The following CEP128 variants were observed in gnomAD, a reference collection of about 807,000 sequenced individuals.
CEP128 encodes centrosomal protein 128kDa.
In CEP128, 132 loss-of-function variants were observed where a neutral mutation model predicts 156.7. The observed-to-expected ratio is 0.84, with a 90% CI of 0.73 to 0.97. CEP128 has a LOEUF of 0.97. Ranked by LOEUF, CEP128 falls within the 50% of genes least tolerant of loss-of-function variation. The probability of loss-of-function intolerance (pLI) is 0.00; values close to 1 mark genes in which losing one functional copy is unlikely to be tolerated. For synonymous variants in CEP128, 469 were observed against 448.9 expected, an observed-to-expected ratio of 1.04 and a Z score of -0.57; for missense variants, 1,252 against 1,281.9, an observed-to-expected ratio of 0.98 and a Z score of 0.36.
intron 19 of CEP128, among the ~76,000 whole-genome samples, chr14:80,616,846 T>C (rs939908013): frequency 2.0e-5 from 3 of 152,198 alleles, no homozygotes; most frequent in Non-Finnish European, 4.4e-5. Flanking sequence ...TTAGAGATCA[T>C]GTAGTTTAAA....
intron 24 of CEP128, among the ~76,000 whole-genome samples, chr14:80,504,539 T>C (rs1437367199): frequency 1.3e-5 from 2 of 152,212 alleles, no homozygotes; most frequent in African/African-American, 2.4e-5. Flanking sequence ...CAAGATTACA[T>C]ATTTCTCAAC....
intron 19 of CEP128, among the ~76,000 whole-genome samples, chr14:80,683,024 CACTT>C (rs1438094138): frequency 2.0e-5 from 3 of 152,000 alleles, no homozygotes; most frequent in Admixed American, 1.3e-4. Flanking sequence ...CAAACACACT[CACTT>C]AAGTACATAG....
intron 8 of CEP128, among the ~76,000 whole-genome samples, chr14:80,866,551 A>G (rs1887777590): frequency 6.6e-6 from 1 of 152,154 alleles, no homozygotes; most frequent in Non-Finnish European, 1.5e-5. Context: ...CCAGCTCCCA[A>G]AAAGATACCA....
In CEP128 at chr14:80,756,929, A is replaced by G. The variant is rs1295479601; in HGVS notation, c.2576T>C (p.Ile859Thr). The change falls in exon 18 of 25, where the codon ATA becomes ACA. Residue 859 changes from isoleucine (I) to threonine (T), a missense_variant. Coordinates refer to ENST00000555265, the MANE Select transcript of CEP128 (RefSeq NM_152446.5). ...TAACCAGCGATGTGGGTCATAATGT[A>G]TATCAGGACCAGATGAAAAAACCTA... ...KLKVFSSGPD[I>T]HYDPHRWLAE... The G allele has an allele frequency of 1.9e-6, 3 of 1,601,668 alleles. No individual in the cohort carries two copies. The highest frequency in any genetic ancestry group is 1.7e-5 in the Admixed American group (1 of 59,402).
intron 23 of CEP128, among the ~76,000 whole-genome samples, chr14:80,519,646 T>C (rs1047234161): frequency 6.6e-6 from 1 of 152,204 alleles, no homozygotes; most frequent in Non-Finnish European, 1.5e-5. Context: ...TATTCCTATC[T>C]GAAAGTTTAA....
chr14:80,940,123 T>C (rs1242805343), intron 1 of CEP128, among the ~76,000 whole-genome samples: 2 of 152,150 alleles, frequency 1.3e-5, no homozygotes, highest in South Asian at 2.1e-4. Flanking sequence ...CTGGGAGTTG[T>C]CTACATAAAA....
At chr14:80,873,525 C>T (rs1888131566) in intron 8 of CEP128, among the ~76,000 whole-genome samples, 1 of 152,054 alleles carries the variant, frequency 6.6e-6, no homozygotes, top group African/African-American at 2.4e-5. Context: ...ACTATTAAAC[C>T]CCAAATTGAA....
At chr14:80,951,816 G>T (rs1886472156) in intron 2 of CEP128, among the ~76,000 whole-genome samples, 1 of 151,980 alleles carries the variant, frequency 6.6e-6, no homozygotes, top group Non-Finnish European at 1.5e-5. Context: ...ATCATACCAT[G>T]ATAACGCTGA....
At chr14:80,893,537 G>T (rs778999973) in intron 8 of CEP128, among the ~76,000 whole-genome samples, 1 of 150,474 alleles carries the variant, frequency 6.6e-6, no homozygotes, top group South Asian at 2.1e-4. Context: ...ACTGTGAAAT[G>T]ACAGATATGT....
chr14:80,901,161 G>A (rs1305485818), intron 6 of CEP128, among the ~76,000 whole-genome samples: 4 of 151,604 alleles, frequency 2.6e-5, no homozygotes, highest in East Asian at 3.9e-4. Flanking sequence ...AGCCGAGATC[G>A]CGCCACTGCA....
intron 21 of CEP128, among the ~76,000 whole-genome samples, chr14:80,538,714 T>C (rs1047818865): frequency 1.3e-5 from 2 of 152,226 alleles, no homozygotes; most frequent in Non-Finnish European, 2.9e-5. Context: ...TCATTATTTT[T>C]TTAAATGTAG....
At chr14:80,481,696 T>C (rs976395978) in intron 14 of CEP128, among the ~76,000 whole-genome samples, 1 of 152,220 alleles carries the variant, frequency 6.6e-6, no homozygotes, top group Non-Finnish European at 1.5e-5. Context: ...CAATGTCACA[T>C]GGCAAACAGT....
intron 9 of CEP128, 131 bp from the exon 10 acceptor site, chr14:80,840,899 C>A: frequency 1.6e-6 from 1 of 630,940 alleles, no homozygotes; most frequent in South Asian, 2.0e-5. Flanking sequence ...AAATTACAGT[C>A]TGCTCATAAG....
At chr14:80,623,452 A>C (rs7144224) in intron 19 of CEP128, among the ~76,000 whole-genome samples, 26,643 of 151,622 alleles carry the variant, frequency 0.18, 2,711 homozygotes, top group East Asian at 0.31. Flanking sequence ...TAATACTTAA[A>C]GTATAATAAT....
At chr14:80,565,116 T>A (rs369267277) in intron 20 of CEP128, among the ~76,000 whole-genome samples, 167 of 152,180 alleles carry the variant, frequency 1.1e-3, no homozygotes, top group African/African-American at 3.9e-3. Context: ...GCCTCTGGCT[T>A]CCAGAGTCTG....
intron 19 of CEP128, among the ~76,000 whole-genome samples, chr14:80,615,448 G>A (rs929658888): frequency 2.0e-5 from 3 of 152,154 alleles, no homozygotes; most frequent in Admixed American, 6.5e-5. Flanking sequence ...CAGCTTCTTA[G>A]CAGTGAACAT....
intron 2 of CEP128, among the ~76,000 whole-genome samples, chr14:80,935,606 A>T (rs1188489478): frequency 7.2e-6 from 1 of 139,674 alleles, no homozygotes; most frequent in Non-Finnish European, 1.5e-5. Context: ...AAATAAAAAT[A>T]AAGTACTTAT....
At chr14:80,538,035 C>T (rs1000594267) in intron 21 of CEP128, among the ~76,000 whole-genome samples, 2 of 152,164 alleles carry the variant, frequency 1.3e-5, no homozygotes, top group African/African-American at 4.8e-5. Context: ...CAGAACAATA[C>T]ATTCACATTC....
intron 21 of CEP128, among the ~76,000 whole-genome samples, chr14:80,534,462 T>C (rs1387895085): frequency 6.6e-6 from 1 of 152,188 alleles, no homozygotes; most frequent in Non-Finnish European, 1.5e-5. Flanking sequence ...TATTTTGTTT[T>C]CTAAGTTGGT....
Sources: allele counts gnomAD v4.1 joint callset (sites outside exome capture counted in the v4.1 genomes callset), GRCh38; gene constraint gnomAD v4.1.1; transcripts MANE v1.5; gene names NCBI Gene and HGNC (gene_info 2026-07-23, HGNC 2026-07-21).